Variants in CPNE5 observed in about 807,000 individuals in gnomAD.
CPNE5 encodes copine-5.
In CPNE5, 42 loss-of-function variants were observed where a neutral mutation model predicts 81.1. The observed-to-expected ratio is 0.52, with a 90% CI of 0.40 to 0.67. The LOEUF is 0.67. CPNE5 is among the 30% of genes least tolerant of loss of function. The pLI is 0.00. For synonymous variants in CPNE5, 313 were observed against 321.5 expected, an observed-to-expected ratio of 0.97 and a Z score of 0.28; for missense variants, 612 against 815.5, an observed-to-expected ratio of 0.75 and a Z score of 3.04.
At chr6:36,773,895 T>G (rs970131044) in intron 10 of CPNE5, among the ~76,000 whole-genome samples, 4 of 152,124 alleles carry the variant, frequency 2.6e-5, no homozygotes, top group Admixed American at 1.3e-4. Flanking sequence ...TGAAACCCCA[T>G]GTCCACCAAA....
At chr6:36,759,226 A>G (rs1290638165) in intron 12 of CPNE5, among the ~76,000 whole-genome samples, 1 of 152,188 alleles carries the variant, frequency 6.6e-6, no homozygotes, top group African/African-American at 2.4e-5. Flanking sequence ...TCTCTGATAT[A>G]ACTGCTTTAA....
chr6:36,753,216 T>A, intron 13 of CPNE5, 121 bp from the exon 14 acceptor site: 1 of 731,276 alleles, frequency 1.4e-6, no homozygotes. Flanking sequence ...CATGACTGCA[T>A]GCACTGCCCA....
intron 11 of CPNE5, among the ~76,000 whole-genome samples, chr6:36,763,602 CAAAAAAA>C (rs55880019): frequency 8.1e-6 from 1 of 123,148 alleles, no homozygotes. Context: ...GACTCTATCT[CAAAAAAA>C]AAAAAAAAAA....
intron 8 of CPNE5, among the ~76,000 whole-genome samples, chr6:36,782,171 T>C (rs1768087597): frequency 6.6e-6 from 1 of 152,158 alleles, no homozygotes; most frequent in Non-Finnish European, 1.5e-5. Flanking sequence ...TTCCCAGCCC[T>C]GGCCAGGGTT....
At chr6:36,747,488 T>G (rs1373031775) in intron 15 of CPNE5, among the ~76,000 whole-genome samples, 2 of 152,214 alleles carry the variant, frequency 1.3e-5, no homozygotes, top group Non-Finnish European at 2.9e-5. Context: ...GCTATCGATA[T>G]TATGATAACT....
chr6:36,792,574 G>A lies in CPNE5; in HGVS notation c.465-478C>T, dbSNP rs993731342. 6 of 453,396 alleles carry A rather than the reference G, an allele frequency of 1.3e-5. No individual in the cohort carries two copies. In the Admixed American group the frequency reaches 1.4e-4, roughly 11 times the overall value. The allele number at this position is 453,396 out of a possible 1,614,324, so 28.1% of individuals were successfully genotyped here. ...GAGGGAGGAAGGCAGGAGGGCTGGT[G>A]GGCCCTCGCTGGCAGCTTGCCCAGG... On this transcript the variant is annotated intron_variant, in intron 7 of 20. Coordinates refer to ENST00000244751, the MANE Select transcript of CPNE5 (RefSeq NM_020939.2).
intron 7 of CPNE5, chr6:36,792,397 C>G: frequency 6.9e-7 from 1 of 1,447,680 alleles, no homozygotes. Context: ...CAGACTCACC[C>G]GGAGGCTTCC....
rs546305084 is a variant in CPNE5 at position 36,771,747 on chromosome 6, G to C, written c.737+3214C>G. ...ACAGTGGCCCCATTTTCCTGCACAG[G>C]GCCCTCCCCTGCCTACCCTGGAGGG... On this transcript the variant is annotated intron_variant, in intron 10 of 20. Coordinates refer to ENST00000244751, the MANE Select transcript of CPNE5 (RefSeq NM_020939.2). 8.6e-5 allele frequency among the ~76,000 whole-genome samples: 13 copies of C among 152,016 alleles called. No homozygotes were observed. The South Asian group carries it at 1.3e-3, about 15-fold the overall frequency.
At chr6:36,768,034 T>C (rs1766714734) in intron 10 of CPNE5, among the ~76,000 whole-genome samples, 1 of 152,036 alleles carries the variant, frequency 6.6e-6, no homozygotes, top group Admixed American at 6.6e-5. Context: ...GACCACTGAA[T>C]GAGATTCCTG....
intron 9 of CPNE5, among the ~76,000 whole-genome samples, chr6:36,776,974 G>A (rs192372567): frequency 6.6e-5 from 10 of 152,326 alleles, no homozygotes; most frequent in African/African-American, 2.4e-4. Context: ...ACCGCTAGGC[G>A]GGCCTCCGGA....
At chr6:36,762,108 T>A (rs1766082292) in intron 12 of CPNE5, among the ~76,000 whole-genome samples, 1 of 151,266 alleles carries the variant, frequency 6.6e-6, no homozygotes, top group Non-Finnish European at 1.5e-5. Flanking sequence ...AAAAAATTAG[T>A]TGGGCATGGT....
intron 1 of CPNE5, among the ~76,000 whole-genome samples, chr6:36,834,729 A>G (rs190986468): frequency 4.6e-5 from 7 of 152,124 alleles, no homozygotes; most frequent in African/African-American, 1.7e-4. Context: ...CCTAGCATGC[A>G]GTAGGCACTC....
intron 14 of CPNE5, among the ~76,000 whole-genome samples, chr6:36,750,226 G>A (rs1013056928): frequency 3.3e-5 from 5 of 152,204 alleles, no homozygotes; most frequent in Non-Finnish European, 7.3e-5. Context: ...GCATTTAGCA[G>A]AAGGTGCCTA....
At chr6:36,807,401 C>T (rs1448710352) in intron 3 of CPNE5, among the ~76,000 whole-genome samples, 5 of 152,170 alleles carry the variant, frequency 3.3e-5, no homozygotes, top group Non-Finnish European at 7.3e-5. Flanking sequence ...TTGTTGGAGG[C>T]CTAAATGATT....
chr6:36,790,203 T>C lies in CPNE5; in HGVS notation c.528+1830A>G, dbSNP rs555088200. ...ATAATTCATCAGATGTTATAACACA[T>C]CATACTACATACTACATTATATATT... On this transcript the variant is annotated intron_variant, in intron 8 of 20. Coordinates refer to ENST00000244751, the MANE Select transcript of CPNE5 (RefSeq NM_020939.2). Among the ~76,000 whole-genome samples the C allele has an allele frequency of 1.0e-3, 157 of 152,264 alleles. 3 individuals carry two copies. Among genetic ancestry groups the C allele is most frequent in the African/African-American group, 3.6e-3 (150 of 41,538 alleles).
intron 1 of CPNE5, among the ~76,000 whole-genome samples, chr6:36,834,655 CAAA>C (rs764110245): frequency 7.9e-6 from 1 of 126,538 alleles, no homozygotes. Flanking sequence ...GACTCCATCT[CAAA>C]AAAAAAAAAA....
At chr6:36,795,558 C>T (rs1021357800) in intron 6 of CPNE5, among the ~76,000 whole-genome samples, 2 of 152,142 alleles carry the variant, frequency 1.3e-5, no homozygotes, top group South Asian at 2.1e-4. Flanking sequence ...CTGGTGTCCT[C>T]ATATGAAGAG....
chr6:36,779,264 T>G (rs1198436116), intron 8 of CPNE5, among the ~76,000 whole-genome samples: 1 of 152,210 alleles, frequency 6.6e-6, no homozygotes, highest in Non-Finnish European at 1.5e-5. Flanking sequence ...GGGTTGATGA[T>G]AGCACACATC....
intron 1 of CPNE5, among the ~76,000 whole-genome samples, chr6:36,838,050 A>G (rs1773681718): frequency 6.6e-6 from 1 of 152,096 alleles, no homozygotes; most frequent in Non-Finnish European, 1.5e-5. Flanking sequence ...GGGGGAAGCT[A>G]CGTTCAACCA....
Sources: gnomAD v4.1 joint callset for allele counts (sites outside exome capture counted in the v4.1 genomes callset) on GRCh38, gnomAD v4.1.1 for gene constraint, MANE v1.5 for transcripts, NCBI Gene and HGNC (gene_info 2026-07-23, HGNC 2026-07-21) for gene names.